The following NT5C3A variants were observed in gnomAD, a reference collection of about 807,000 sequenced individuals.
The protein encoded by NT5C3A is 5'-nucleotidase, cytosolic IIIA.
In NT5C3A, 23 loss-of-function variants were observed where a neutral mutation model predicts 40.0. That is an observed-to-expected ratio of 0.58 (90% CI 0.41 to 0.81). NT5C3A has a LOEUF of 0.81. Among genes scored for constraint, NT5C3A ranks in the 40% least tolerant of loss-of-function variants. The pLI, the probability that NT5C3A is intolerant of heterozygous loss-of-function variation, is 0.00. For missense variants in NT5C3A, 328 were observed against 403.0 expected (o/e 0.81, Z 1.59); for synonymous variants, 130 against 141.4 (o/e 0.92, Z 0.57).
chr7:33,052,648 A>G (rs1169445242), intron 1 of NT5C3A, among the ~76,000 whole-genome samples: 1 of 152,132 alleles, frequency 6.6e-6, no homozygotes, highest in Non-Finnish European at 1.5e-5. Flanking sequence ...CTCTCTCTTT[A>G]TACAGTAATT....
Position 33,020,700 on chromosome 7 carries a change from G to C in NT5C3A, c.440+572C>G, listed in dbSNP as rs56141389. Among the ~76,000 whole-genome samples the C allele has an allele frequency of 9.9e-3, 1,507 of 151,764 alleles. 13 individuals carry two copies. The highest frequency in any genetic ancestry group is 0.016 in the Non-Finnish European group (1,101 of 67,982). On this transcript the variant is annotated intron_variant, in intron 5 of 8. Transcript: ENST00000610140. ...GCATTTTCTATTCCTTGAAATGTTC[G>C]TCAAGTGGGAAGGCTCAAATTCCTC... is the stretch of plus-strand genomic sequence containing the variant.
chr7:33,035,054 C>T (rs1420925012), intron 1 of NT5C3A, among the ~76,000 whole-genome samples: 2 of 152,128 alleles, frequency 1.3e-5, no homozygotes, highest in Non-Finnish European at 1.5e-5. Context: ...TTAATGAATG[C>T]TTAATCTGGG....
In NT5C3A at chr7:33,026,898, T is replaced by A. The variant is rs1785973094; in HGVS notation, c.156A>T (p.Lys52Asn). 1 of 1,611,670 alleles carries A rather than the reference T, an allele frequency of 6.2e-7. No individual in the cohort carries two copies. The highest frequency in any genetic ancestry group is 1.7e-5 in the Admixed American group (1 of 59,968). The change falls in exon 2 of 9, where the codon AAA (lysine) becomes AAT (asparagine). Residue 52 changes from lysine to asparagine, a missense_variant. Physicochemically the swap from Lys to Asn is moderately conservative, Grantham distance 94 (BLOSUM62 0). Around this residue, in one of 3 missense-constraint regions of NT5C3A, gnomAD observed 280 missense variants for 317.2 expected, o/e 0.88. Transcript: ENST00000610140. ...KIIEMMPEFQ[K>N]SSVRIKNPTR... ...TAGGGTTCTTGATTCGAACTGAACTTTTCTGGAATTCTGGCATCTAAAAGT... is the reference window on the plus strand; with the variant it reads ...TAGGGTTCTTGATTCGAACTGAACTATTCTGGAATTCTGGCATCTAAAAGT...
At chr7:33,031,960 A>G (rs1786284289) in intron 1 of NT5C3A, among the ~76,000 whole-genome samples, 1 of 151,118 alleles carries the variant, frequency 6.6e-6, no homozygotes, top group Non-Finnish European at 1.5e-5. Flanking sequence ...CCCTGTCTCT[A>G]TTAAAAATAC....
At chr7:33,036,776 T>C (rs909432046) in intron 1 of NT5C3A, among the ~76,000 whole-genome samples, 20 of 152,158 alleles carry the variant, frequency 1.3e-4, no homozygotes, top group Admixed American at 9.8e-4. Flanking sequence ...TTCCTTCAAT[T>C]TTCTTACATT....
intron 5 of NT5C3A, 151 bp from the exon 6 acceptor site, chr7:33,019,875 T>C (rs1015974382): frequency 7.8e-6 from 5 of 637,918 alleles, no homozygotes; most frequent in Admixed American, 7.3e-5. Flanking sequence ...AATGAATGTA[T>C]ACCTCATGTC....
At chr7:33,060,242 T>G (rs1314175658) in intron 1 of NT5C3A, among the ~76,000 whole-genome samples, 1 of 152,138 alleles carries the variant, frequency 6.6e-6, no homozygotes, top group Non-Finnish European at 1.5e-5. Flanking sequence ...CGTGAGCCAC[T>G]GTACCCTGCC....
intron 1 of NT5C3A, among the ~76,000 whole-genome samples, chr7:33,045,408 CAG>C (rs986976574): frequency 1.3e-5 from 2 of 151,848 alleles, no homozygotes; most frequent in African/African-American, 4.8e-5. Flanking sequence ...GAGCAGAAAA[CAG>C]AGATGAAATA....
intron 1 of NT5C3A, among the ~76,000 whole-genome samples, chr7:33,045,609 G>A (rs539966463): frequency 3.3e-5 from 5 of 151,984 alleles, no homozygotes; most frequent in East Asian, 1.9e-4. Context: ...ACAGGCGTGC[G>A]CCACCACACC....
Position 33,062,623 on chromosome 7 carries a change from T to C in NT5C3A, c.83A>G (p.Gln28Arg), listed in dbSNP as rs1787828782. The change falls in exon 1 of 9, where the codon CAG becomes CGG. Residue 28 changes from glutamine (Q) to arginine (R), a missense_variant. Physicochemically the swap from Gln to Arg is conservative, Grantham distance 43. Transcript: ENST00000610140. ...CALVAGVVLA[Q>R]YIFTLKRKTG... Reference sequence around the variant, plus strand: ...CTTCCTCTTCAAGGTGAATATGTACTGAGCCAGCACCACCCCCGCCACCAG... The same window carrying C: ...CTTCCTCTTCAAGGTGAATATGTACCGAGCCAGCACCACCCCCGCCACCAG... 3.1e-6 allele frequency: 5 copies of C among 1,607,646 alleles called. No individual in the cohort carries two copies. The highest frequency in any genetic ancestry group is 3.4e-6 in the Non-Finnish European group (4 of 1,177,910).
chr7:33,042,786 G>C (rs772091313), intron 1 of NT5C3A, among the ~76,000 whole-genome samples: 11 of 152,020 alleles, frequency 7.2e-5, no homozygotes, highest in Non-Finnish European at 1.6e-4. Flanking sequence ...AAAGAAATTA[G>C]GCAGTACACA....
At chr7:33,040,748 A>C (rs1759754460) in intron 1 of NT5C3A, 1 of 309,242 alleles carries the variant, frequency 3.2e-6, no homozygotes, top group African/African-American at 2.3e-5. Context: ...TTATACTGGA[A>C]CATTATTTTA....
intron 1 of NT5C3A, among the ~76,000 whole-genome samples, chr7:33,048,768 T>C (rs1441886943): frequency 6.6e-6 from 1 of 152,176 alleles, no homozygotes; most frequent in Non-Finnish European, 1.5e-5. Flanking sequence ...AGGTTACAAA[T>C]TGTTGCTCAA....
chr7:33,029,978 T>C (rs1251360100), intron 1 of NT5C3A, among the ~76,000 whole-genome samples: 1 of 152,092 alleles, frequency 6.6e-6, no homozygotes, highest in African/African-American at 2.4e-5. Context: ...TCATAAGTAG[T>C]GAATACACAA....
intron 1 of NT5C3A, 56 bp downstream of exon 1, chr7:33,062,512 C>A (rs377209153): frequency 1.3e-6 from 2 of 1,513,596 alleles, no homozygotes; most frequent in African/African-American, 1.4e-5. Context: ...CCGAGGCCAG[C>A]GGACGGCCCA....
chr7:33,061,496 T>C (rs1609407), intron 1 of NT5C3A, among the ~76,000 whole-genome samples: 115,666 of 151,998 alleles, frequency 0.76, 44,387 homozygotes, highest in African/African-American at 0.85. Flanking sequence ...TCCAGTGATC[T>C]TCCTCTCAGC....
At chr7:33,041,237 C>G (rs1019028303) in intron 1 of NT5C3A, 2 of 575,278 alleles carry the variant, frequency 3.5e-6, no homozygotes, top group Non-Finnish European at 4.4e-6. Context: ...CAGTGTACTT[C>G]TGATATGTGA....
intron 1 of NT5C3A, among the ~76,000 whole-genome samples, chr7:33,060,590 T>C (rs915130641): frequency 2.0e-5 from 3 of 152,198 alleles, no homozygotes; most frequent in African/African-American, 7.2e-5. Flanking sequence ...ATGCATCATT[T>C]TGACCAAGTC....
intron 1 of NT5C3A, among the ~76,000 whole-genome samples, chr7:33,055,887 G>A (rs1481215081): frequency 6.6e-6 from 1 of 152,212 alleles, no homozygotes; most frequent in East Asian, 1.9e-4. Context: ...GAGGTGGGAA[G>A]ATTGCTTGAG....
Sources: allele counts gnomAD v4.1 joint callset (sites outside exome capture counted in the v4.1 genomes callset), GRCh38; gene constraint gnomAD v4.1.1; regional missense constraint gnomAD v4.1.1; transcripts MANE v1.5; gene names NCBI Gene and HGNC (gene_info 2026-07-23, HGNC 2026-07-21).